RGS9: variants seen among roughly 807,000 people sequenced by gnomAD.
The protein encoded by RGS9 is regulator of G protein signaling 9, also known as regulator of G-protein signalling 9.
In RGS9, 78 loss-of-function variants were observed where a neutral mutation model predicts 102.0. The observed-to-expected ratio is 0.76, with a 90% CI of 0.64 to 0.92. The LOEUF is 0.92. RGS9 is among the 40% of genes least tolerant of loss of function. RGS9 has a pLI of 0.00. For missense variants in RGS9, 833 were observed against 866.1 expected, an observed-to-expected ratio of 0.96 and a Z score of 0.48; for synonymous variants, 353 against 318.6, an observed-to-expected ratio of 1.11 and a Z score of -1.15.
At chr17:65,191,945 A>T (rs1226615212) in intron 11 of RGS9, among the ~76,000 whole-genome samples, 1 of 152,194 alleles carries the variant, frequency 6.6e-6, no homozygotes, top group Non-Finnish European at 1.5e-5. Context: ...TGCATTTCAC[A>T]TTCACTGTGG....
At chr17:65,140,147 C>T (rs1329210130) in intron 1 of RGS9, among the ~76,000 whole-genome samples, 2 of 152,202 alleles carry the variant, frequency 1.3e-5, no homozygotes, top group East Asian at 1.9e-4. Context: ...TTGCCAGTCA[C>T]GCAGCACTAG....
chr17:65,220,576 G>C (rs776003064), intron 17 of RGS9, among the ~76,000 whole-genome samples: 34 of 152,196 alleles, frequency 2.2e-4, no homozygotes, highest in Non-Finnish European at 3.8e-4. Flanking sequence ...GCTTGGGGGC[G>C]GTGGGGAAGG....
intron 1 of RGS9, among the ~76,000 whole-genome samples, chr17:65,149,374 A>T (rs1267240201): frequency 6.6e-6 from 1 of 152,136 alleles, no homozygotes; most frequent in Non-Finnish European, 1.5e-5. Flanking sequence ...GAGATGTGAA[A>T]CTGAACTTTC....
At chr17:65,148,723 G>A (rs1289738111) in intron 1 of RGS9, among the ~76,000 whole-genome samples, 2 of 152,122 alleles carry the variant, frequency 1.3e-5, no homozygotes, top group African/African-American at 4.8e-5. Flanking sequence ...GTGGGTAGGT[G>A]TGGGGAGGAG....
chr17:65,179,989 TTC>T (rs905980641), intron 9 of RGS9: 2 of 152,290 alleles, frequency 1.3e-5, no homozygotes, highest in Non-Finnish European at 2.9e-5. Flanking sequence ...TCTCTCTCTC[TTC>T]CCAGCTATCT....
At chr17:65,210,675 T>TG in intron 17 of RGS9, 70 bp downstream of exon 17, 1 of 1,601,372 alleles carries the variant, frequency 6.2e-7, no homozygotes, top group Non-Finnish European at 8.5e-7. Flanking sequence ...CTGTGATTCC[T>TG]GGGGGTGGGG....
chr17:65,164,506 T>G (rs1227885295), intron 7 of RGS9, among the ~76,000 whole-genome samples: 4 of 152,110 alleles, frequency 2.6e-5, no homozygotes, highest in African/African-American at 9.7e-5. Context: ...GCTGTGACAG[T>G]CCCAGATCCA....
At chr17:65,206,587 G>T (rs1913072884) in intron 15 of RGS9, among the ~76,000 whole-genome samples, 1 of 152,218 alleles carries the variant, frequency 6.6e-6, no homozygotes, top group Admixed American at 6.5e-5. Flanking sequence ...TGAGGCAGGA[G>T]AATCACTTGA....
chr17:65,204,068 C>G, intron 14 of RGS9, 95 bp from the exon 15 acceptor site: 2 of 1,464,370 alleles, frequency 1.4e-6, no homozygotes, highest in African/African-American at 1.4e-5. Flanking sequence ...CCTCGGTAAC[C>G]GATTCGTATC....
At chr17:65,186,337 C>G (rs1417651428) in intron 9 of RGS9, among the ~76,000 whole-genome samples, 1 of 151,966 alleles carries the variant, frequency 6.6e-6, no homozygotes, top group East Asian at 1.9e-4. Flanking sequence ...CCCCACCCCC[C>G]ACCAAGTAAC....
chr17:65,213,433 C>T (rs1006808150), intron 17 of RGS9, among the ~76,000 whole-genome samples: 1 of 152,046 alleles, frequency 6.6e-6, no homozygotes, highest in Non-Finnish European at 1.5e-5. Context: ...AAGCATGAAA[C>T]CAGAGAATAT....
At chr17:65,141,299 T>C (rs996840009) in intron 1 of RGS9, among the ~76,000 whole-genome samples, 9 of 152,196 alleles carry the variant, frequency 5.9e-5, no homozygotes, top group Non-Finnish European at 8.8e-5. Flanking sequence ...ACTCTTGTTC[T>C]GGGGATGGCC....
chr17:65,166,504 A>G (rs1208064423), intron 7 of RGS9, among the ~76,000 whole-genome samples: 1 of 152,244 alleles, frequency 6.6e-6, no homozygotes, highest in African/African-American at 2.4e-5. Context: ...AGTGCTTGGA[A>G]TATACTGGAA....
At chr17:65,182,226 C>T (rs867968753) in intron 9 of RGS9, among the ~76,000 whole-genome samples, 4 of 152,216 alleles carry the variant, frequency 2.6e-5, no homozygotes, top group Non-Finnish European at 4.4e-5. Flanking sequence ...CATATGCTCC[C>T]GCCAATAGGG....
chr17:65,170,656 C>G (rs909724501), intron 8 of RGS9, among the ~76,000 whole-genome samples: 2 of 152,070 alleles, frequency 1.3e-5, no homozygotes, highest in Admixed American at 1.3e-4. Flanking sequence ...TCTAAGAAGC[C>G]GAATGCCTGG....
In RGS9 at chr17:65,210,492, A is replaced by G; in HGVS notation, c.1294A>G (p.Thr432Ala). 1 of 1,612,658 alleles carries G rather than the reference A, an allele frequency of 6.2e-7. No individual in the cohort carries two copies. The highest frequency in any genetic ancestry group is 1.1e-5 in the South Asian group (1 of 90,986). The change falls in exon 17 of 19, where the codon ACC (threonine) becomes GCC (alanine). Residue 432 changes from threonine (T) to alanine (A), a missense_variant. Physicochemically the swap from Thr to Ala is moderately conservative, Grantham distance 58 (BLOSUM62 0). Transcript: ENST00000262406. ...CCAATCTGTCCTTCCTTCCAGCTCC[A>G]CCCTCCCTTTTATGCGGCGTCACCT... ...EPQETTKKSS[T>A]LPFMRRHLRS...
intron 17 of RGS9, among the ~76,000 whole-genome samples, chr17:65,222,292 G>T (rs192821001): frequency 6.6e-6 from 1 of 152,332 alleles, no homozygotes; most frequent in Non-Finnish European, 1.5e-5. Context: ...CTGGCCTCTA[G>T]ACTCAGATGG....
chr17:65,225,505 C>G lies in RGS9; in HGVS notation c.1892+19C>G, dbSNP rs561091655. 1 of 1,599,738 alleles carries G rather than the reference C, an allele frequency of 6.3e-7. No homozygotes were observed. The highest frequency in any genetic ancestry group is 8.5e-7 in the Non-Finnish European group (1 of 1,179,864). ...TAGCAAAGTAAGAACCCGAAGGGGA[C>G]GTGCCGTATGCATGGGTGGCTGTGG... is the stretch of plus-strand genomic sequence containing the variant. On this transcript the variant is annotated intron_variant, in intron 18 of 18. Coordinates refer to ENST00000262406, the MANE Select transcript of RGS9 (RefSeq NM_003835.4).
chr17:65,184,610 C>T (rs2144051231), intron 9 of RGS9, among the ~76,000 whole-genome samples: 1 of 152,262 alleles, frequency 6.6e-6, no homozygotes, highest in South Asian at 2.1e-4. Context: ...AGTGGTAGGA[C>T]TAGAATTTTA....
Sources: allele counts gnomAD v4.1 joint callset (sites outside exome capture counted in the v4.1 genomes callset), GRCh38; gene constraint gnomAD v4.1.1; transcripts MANE v1.5; gene names NCBI Gene and HGNC (gene_info 2026-07-23, HGNC 2026-07-21).